The following UGT1A4 variants were observed in gnomAD, a reference collection of about 807,000 sequenced individuals.
UGT1A4 encodes UDP-glucuronosyltransferase 1A4.
Under a neutral mutation model 41.1 loss-of-function variants are expected in UGT1A4, and 32 were observed. The ratio of observed to expected loss-of-function variants is 0.78; its 90% confidence interval spans 0.59 to 1.05. UGT1A4 has a LOEUF of 1.05. Among genes scored for constraint, UGT1A4 ranks in the 50% least tolerant of loss-of-function variants. The pLI, the probability that UGT1A4 is intolerant of heterozygous loss-of-function variation, is 0.00. For missense variants in UGT1A4, 748 were observed against 677.4 expected, an observed-to-expected ratio of 1.10 and a Z score of -1.16; for synonymous variants, 283 against 265.1, an observed-to-expected ratio of 1.07 and a Z score of -0.66.
intron 1 of UGT1A4, among the ~76,000 whole-genome samples, chr2:233,759,584 C>T (rs1003659930): frequency 4.0e-5 from 6 of 149,692 alleles, no homozygotes; most frequent in Non-Finnish European, 3.0e-5. Flanking sequence ...TACCCCAGCA[C>T]GCCCCCCACC....
At chr2:233,753,552 A>G (rs1695233420) in intron 1 of UGT1A4, 1 of 152,146 alleles carries the variant, frequency 6.6e-6, no homozygotes, top group African/African-American at 2.4e-5. Context: ...CTCAGAGGTG[A>G]CCCTAGAAGA....
At chr2:233,741,718 G>C (rs530950175) in intron 1 of UGT1A4, 1 of 151,992 alleles carries the variant, frequency 6.6e-6, no homozygotes, top group South Asian at 2.1e-4. Flanking sequence ...GGGTTCTAGA[G>C]CATATCCAAA....
At chr2:233,726,475 A>G (rs1008542072) in intron 1 of UGT1A4, among the ~76,000 whole-genome samples, 16 of 152,160 alleles carry the variant, frequency 1.1e-4, no homozygotes, top group African/African-American at 3.1e-4. Context: ...TTTAACAGAA[A>G]TTTCCTTTTT....
In UGT1A4 at chr2:233,719,224, A is replaced by C; in HGVS notation, c.404A>C (p.Glu135Ala). 2 of 1,614,188 alleles carry C rather than the reference A, an allele frequency of 1.2e-6. No homozygotes were observed. Among genetic ancestry groups the C allele is most frequent in the Non-Finnish European group, 1.7e-6 (2 of 1,180,014 alleles). ...HRCCVELLHN[E>A]ALIRHLNATS... is the part of the protein sequence containing the mutation. Reference sequence around the variant, plus strand: ...TGTTGTGTGGAGCTACTGCATAATGAGGCCCTGATCAGGCACCTGAATGCT... The same window carrying C: ...TGTTGTGTGGAGCTACTGCATAATGCGGCCCTGATCAGGCACCTGAATGCT... Residue 135 changes from glutamate (E) to alanine (A), a missense_variant, in exon 1 of 5, where the codon GAG (glutamate) becomes GCG (alanine). Glu to Ala is a moderately radical substitution (Grantham distance 107). Transcript: ENST00000373409.
At chr2:233,750,156 T>C (rs953586925) in intron 1 of UGT1A4, among the ~76,000 whole-genome samples, 2 of 151,902 alleles carry the variant, frequency 1.3e-5, no homozygotes, top group Non-Finnish European at 2.9e-5. Flanking sequence ...ACTTGTTGAA[T>C]GGTTTTGACC....
chr2:233,732,188 TA>T lies in UGT1A4; in HGVS notation c.867+12502del, dbSNP rs994200311. Among the ~76,000 whole-genome samples the T allele has an allele frequency of 9.1e-4, 138 of 152,390 alleles. 1 individual carries two copies. The highest frequency in any genetic ancestry group is 3.2e-3 in the African/African-American group (134 of 41,598). ...TGAGTTCTTTGTAGATTCTGGATATTAGCCCTTTGTCAGATGGGTAGATTGC... is the reference window on the plus strand; with the variant it reads ...TGAGTTCTTTGTAGATTCTGGATATTGCCCTTTGTCAGATGGGTAGATTGC... On this transcript the variant is annotated intron_variant, in intron 1 of 4. Transcript: ENST00000373409.
intron 1 of UGT1A4, among the ~76,000 whole-genome samples, chr2:233,738,155 C>A (rs1206692436): frequency 1.3e-5 from 2 of 152,160 alleles, no homozygotes; most frequent in Non-Finnish European, 2.9e-5. Context: ...GCAAGCTATT[C>A]CTCTTTCTCT....
chr2:233,753,810 A>G (rs1695316193), intron 1 of UGT1A4, among the ~76,000 whole-genome samples: 1 of 152,190 alleles, frequency 6.6e-6, no homozygotes, highest in Non-Finnish European at 1.5e-5. Flanking sequence ...ATAGTTGGAG[A>G]ACCACGTTAG....
At chr2:233,725,394 T>G (rs2077443989) in intron 1 of UGT1A4, among the ~76,000 whole-genome samples, 1 of 151,450 alleles carries the variant, frequency 6.6e-6, no homozygotes, top group Admixed American at 6.6e-5. Flanking sequence ...ATAGGTTACC[T>G]TGATGGTCTA....
chr2:233,771,661 T>C (rs899762223), intron 4 of UGT1A4: 2 of 152,426 alleles, frequency 1.3e-5, no homozygotes, highest in African/African-American at 4.8e-5. Context: ...TAATGAAATT[T>C]CTCACAAAAT....
At chr2:233,759,500 CTAA>C (rs1055153309) in intron 1 of UGT1A4, among the ~76,000 whole-genome samples, 11 of 152,162 alleles carry the variant, frequency 7.2e-5, no homozygotes, top group Non-Finnish European at 1.6e-4. Flanking sequence ...CAGGTTCACA[CTAA>C]TAAAGGCCTG....
intron 1 of UGT1A4, among the ~76,000 whole-genome samples, chr2:233,758,476 T>C (rs926458629): frequency 1.3e-5 from 2 of 152,218 alleles, no homozygotes; most frequent in Non-Finnish European, 2.9e-5. Context: ...AGGTTTAAAT[T>C]AAACTGTGAA....
At chr2:233,754,443 A>G (rs925752742) in intron 1 of UGT1A4, 4 of 350,446 alleles carry the variant, frequency 1.1e-5, no homozygotes, top group Admixed American at 3.9e-5. Context: ...GTGTTTATAA[A>G]TTCTTGGGTA....
At chr2:233,726,667 G>C (rs150592409) in intron 1 of UGT1A4, among the ~76,000 whole-genome samples, 1 of 152,128 alleles carries the variant, frequency 6.6e-6, no homozygotes, top group Non-Finnish European at 1.5e-5. Flanking sequence ...AATCATATCT[G>C]TGAAGTCTCT....
At chr2:233,726,260 G>T (rs2077520293) in intron 1 of UGT1A4, among the ~76,000 whole-genome samples, 1 of 152,196 alleles carries the variant, frequency 6.6e-6, no homozygotes, top group Admixed American at 6.5e-5. Context: ...GGGTGCAGTG[G>T]CATGCGCCTA....
At chr2:233,736,931 A>ACCTATAT (rs1358475189) in intron 1 of UGT1A4, among the ~76,000 whole-genome samples, 2 of 152,012 alleles carry the variant, frequency 1.3e-5, no homozygotes, top group Non-Finnish European at 2.9e-5. Context: ...AGGCGCACCC[A>ACCTATAT]CCTATATGAG....
chr2:233,763,154 G>A (rs1698249397), intron 1 of UGT1A4, among the ~76,000 whole-genome samples: 1 of 152,232 alleles, frequency 6.6e-6, no homozygotes, highest in Non-Finnish European at 1.5e-5. Flanking sequence ...AAAAGTCTAA[G>A]TGGTGAACTG....
chr2:233,735,700 G>T (rs940691560), intron 1 of UGT1A4, among the ~76,000 whole-genome samples: 1 of 151,948 alleles, frequency 6.6e-6, no homozygotes, highest in African/African-American at 2.4e-5. Context: ...TGTAAGGCAG[G>T]CCTGGTGGTG....
Position 233,719,212 on chromosome 2 carries a change from T to C in UGT1A4, c.392T>C (p.Leu131Pro), listed in dbSNP as rs1327237440. The C allele has an allele frequency of 1.9e-6, 3 of 1,614,142 alleles. No homozygotes were observed. The African/African-American group carries it at 4.0e-5, about 22-fold the overall frequency. ...GCCCTTCATAGGTGTTGTGTGGAGC[T>C]ACTGCATAATGAGGCCCTGATCAGG... Reference protein sequence around the residue: ...SLALHRCCVELLHNEALIRHL... With the variant: ...SLALHRCCVEPLHNEALIRHL... The change falls in exon 1 of 5, where the codon CTA becomes CCA. Residue 131 changes from leucine to proline, a missense_variant. Transcript: ENST00000373409.
Sources: allele counts gnomAD v4.1 joint callset (sites outside exome capture counted in the v4.1 genomes callset), GRCh38; gene constraint gnomAD v4.1.1; transcripts MANE v1.5; gene names NCBI Gene and HGNC (gene_info 2026-07-23, HGNC 2026-07-21).